Variants in POLG observed in about 807,000 individuals in gnomAD.
The protein encoded by POLG is DNA polymerase subunit gamma-1.
In POLG, 110 loss-of-function variants were observed where a neutral mutation model predicts 155.4. The observed-to-expected ratio is 0.71, with a 90% CI of 0.61 to 0.83. The LOEUF (loss-of-function observed/expected upper bound fraction) is 0.83, where lower values mean the gene tolerates loss of function less well. Ranked by LOEUF, POLG falls within the 40% of genes least tolerant of loss-of-function variation. The probability of loss-of-function intolerance (pLI) is 0.00; values close to 1 mark genes in which losing one functional copy is unlikely to be tolerated. For missense variants in POLG, 1,685 were observed against 1,627.5 expected, an observed-to-expected ratio of 1.04 and a Z score of -0.61; for synonymous variants, 701 against 631.5, an observed-to-expected ratio of 1.11 and a Z score of -1.65.
In POLG at chr15:89,329,030, CCA is replaced by C; in HGVS notation, c.934_935del (p.Trp312AspfsTer75). 1.2e-6 allele frequency: 2 copies of C among 1,613,334 alleles called. No individual in the cohort carries two copies. The highest frequency in any genetic ancestry group is 1.7e-6 in the Non-Finnish European group (2 of 1,180,030). ...TGTGTTTGCCCTGCTTGGCTGCTAT[CCA>C]CAGACTGCGCTGGAAGCTGCTTAGC... Reference protein sequence around the residue: ...SGLSSFQRSLWIAAKQGKHKV... With the variant: ...SGLSSFQRSLXIAAKQGKHKV... On this transcript the variant is annotated frameshift_variant, in exon 4 of 23. Transcript: ENST00000268124. LOFTEE classifies it high-confidence loss of function.
rs1328211268 is a variant in POLG, at chr15:89,322,834, G to A, written c.2334C>T (p.Thr778=). 6.2e-7 allele frequency: 1 copy of A among 1,614,054 alleles called. No individual in the cohort carries two copies. Among genetic ancestry groups the A allele is most frequent in the South Asian group, 1.1e-5 (1 of 91,086 alleles). The change falls in exon 14 of 23, where the codon ACC becomes ACT. Residue 778 remains threonine, a synonymous_variant. Transcript: ENST00000268124. ...TGGCACCTCCTGGGCCAGCCTGCAG[G>A]GTGCCATCCTCCATCTTGGGCAGGA... ...KDFLPKMEDG[T]LQAGPGGASG...
At chr15:89,324,294 G>C in intron 10 of POLG, 67 bp from the exon 11 acceptor site, 2 of 1,572,242 alleles carry the variant, frequency 1.3e-6, no homozygotes, top group Non-Finnish European at 1.7e-6. Context: ...CAGGCAGCTT[G>C]CTAGTGCCTT....
intron 13 of POLG, 68 bp from the exon 14 acceptor site, chr15:89,322,970 G>A (rs1426820654): frequency 2.7e-6 from 4 of 1,475,236 alleles, no homozygotes; most frequent in Non-Finnish European, 3.7e-6. Context: ...ACCAACGTGA[G>A]TACCTGCACT....
intron 2 of POLG, 25 bp downstream of exon 2, chr15:89,333,071 T>G: frequency 6.6e-7 from 1 of 1,503,806 alleles, no homozygotes; most frequent in Non-Finnish European, 8.9e-7. Flanking sequence ...TGCCTGCTTA[T>G]GTCCCCAACC....
chr15:89,320,653 G>T, intron 18 of POLG, 113 bp downstream of exon 18: 3 of 1,199,434 alleles, frequency 2.5e-6, no homozygotes, highest in Non-Finnish European at 3.6e-6. Context: ...AAGGAGAGGG[G>T]CTAGGTGAGA....
chr15:89,318,402 T>TAGAA (rs2055337880), intron 21 of POLG, 139 bp downstream of exon 21: 1 of 680,742 alleles, frequency 1.5e-6, no homozygotes, highest in Admixed American at 2.9e-5. Flanking sequence ...TTTTAAAAAT[T>TAGAA]AGAAATAAAT....
At chr15:89,328,359 C>G in intron 6 of POLG, 97 bp downstream of exon 6, 1 of 947,242 alleles carries the variant, frequency 1.1e-6, no homozygotes, top group South Asian at 1.4e-5. Context: ...AGCTAAGGTC[C>G]CCAACCTGAG....
chr15:89,317,343 A>G, intron 22 of POLG, 33 bp downstream of exon 22: 5 of 1,608,180 alleles, frequency 3.1e-6, no homozygotes, highest in East Asian at 2.2e-5. Flanking sequence ...CTCAGATCCT[A>G]TGTGTAATGA....
chr15:89,325,097 TGAGAGAGTGAGAGA>T lies in POLG; in HGVS notation c.1949+339_1949+352del, dbSNP rs1254382205. Among the ~76,000 whole-genome samples, 112 of 35,212 alleles carry T rather than the reference TGAGAGAGTGAGAGA, an allele frequency of 3.2e-3. 17 individuals carry two copies. The highest frequency in any genetic ancestry group is 0.014 in the African/African-American group (90 of 6,662). The allele number at this position is 35,212 out of a possible 152,430, so 23.1% of individuals were successfully genotyped here. ...GTGAGTGAGTGAGAGAGTGAGTGAG[TGAGAGAGTGAGAGA>T]GAGTGAGTGAGTGAGTGAGAGAGTG... On this transcript the variant is annotated intron_variant, in intron 10 of 22. Coordinates refer to ENST00000268124, the MANE Select transcript of POLG (RefSeq NM_002693.3).
At chr15:89,316,987 T>C (rs1245086326) in intron 22 of POLG, 160 bp from the exon 23 acceptor site, 1 of 666,892 alleles carries the variant, frequency 1.5e-6, no homozygotes, top group Non-Finnish European at 2.7e-6. Flanking sequence ...GTCTGTTTTC[T>C]TTTTATATAA....
rs2055578700 is a variant in POLG, at chr15:89,330,381, G to C, written c.660-105C>G. 5.6e-6 allele frequency: 5 copies of C among 894,276 alleles called. No individual in the cohort carries two copies. The East Asian group carries it at 1.3e-4, about 23-fold the overall frequency. The allele number at this position is 894,276 out of a possible 1,614,324, so 55.4% of individuals were successfully genotyped here. ...CCACATGCCAGATGGTGCATTGGCAGCTGGGGACACAAGTGAGACCAAAGG... is the reference window on the plus strand; with the variant it reads ...CCACATGCCAGATGGTGCATTGGCACCTGGGGACACAAGTGAGACCAAAGG... On this transcript the variant is annotated intron_variant, in intron 2 of 22. Coordinates refer to ENST00000268124, the MANE Select transcript of POLG (RefSeq NM_002693.3).
chr15:89,319,811 G>A (rs1460977550), intron 18 of POLG, among the ~76,000 whole-genome samples: 1 of 152,176 alleles, frequency 6.6e-6, no homozygotes, highest in African/African-American at 2.4e-5. Flanking sequence ...AGCCAGGCCT[G>A]GCTTACCCCT....
rs201477273 is a variant in POLG, at chr15:89,320,857, G to A, written c.2890C>T (p.Arg964Cys). ...IYGAGQPFAE[R>C]LLMQFNHRLT... ...CGGTGGTTAAACTGCATTAGTAAGC[G>A]CTCAGCAAAGGGCTGCCCAGCACCA... Residue 964 changes from arginine to cysteine, a missense_variant, in exon 18 of 23, where the codon CGC becomes TGC. Transcript: ENST00000268124. The A allele has an allele frequency of 2.4e-4, 392 of 1,613,906 alleles. 1 individual carries two copies. In the East Asian group the frequency reaches 6.6e-3, roughly 27 times the overall value.
intron 3 of POLG, among the ~76,000 whole-genome samples, chr15:89,329,624 C>T (rs555774529): frequency 3.3e-5 from 5 of 152,244 alleles, no homozygotes; most frequent in Non-Finnish European, 7.3e-5. Flanking sequence ...ATTGCCACTA[C>T]TATACACCAG....
At chr15:89,325,291 A>T (rs367586483) in intron 10 of POLG, among the ~76,000 whole-genome samples, 159 bp downstream of exon 10, 7 of 105,928 alleles carry the variant, frequency 6.6e-5, no homozygotes, top group South Asian at 6.3e-4. Flanking sequence ...AGAAAGAGAG[A>T]GAGAGAGGGT....
chr15:89,322,668 C>A, intron 14 of POLG, 74 bp downstream of exon 14: 1 of 1,527,540 alleles, frequency 6.5e-7, no homozygotes, highest in South Asian at 1.1e-5. Context: ...CTGTGGGAAT[C>A]CAGGGTTAGT....
chr15:89,323,552 C>T (rs1294474437), intron 12 of POLG, 41 bp from the exon 13 acceptor site: 1 of 1,321,426 alleles, frequency 7.6e-7, no homozygotes, highest in Non-Finnish European at 1.1e-6. Flanking sequence ...TGCTCCAGCA[C>T]CTGCATTCAG....
chr15:89,330,631 C>G (rs2055581765), intron 2 of POLG, among the ~76,000 whole-genome samples: 1 of 152,018 alleles, frequency 6.6e-6, no homozygotes, highest in Non-Finnish European at 1.5e-5. Flanking sequence ...TGAACATTAT[C>G]AACCCCTCAC....
At chr15:89,327,920 TTC>T (rs1376674993) in intron 6 of POLG, among the ~76,000 whole-genome samples, 51 of 152,332 alleles carry the variant, frequency 3.3e-4, no homozygotes, top group Admixed American at 3.3e-3. Flanking sequence ...TTAATACATT[TTC>T]TTTTATCTAG....
Sources: gnomAD v4.1 joint callset for allele counts (sites outside exome capture counted in the v4.1 genomes callset) on GRCh38, gnomAD v4.1.1 for gene constraint, MANE v1.5 for transcripts, NCBI Gene and HGNC (gene_info 2026-07-23, HGNC 2026-07-21) for gene names.